The following ATAD2B variants were observed in gnomAD, a reference collection of about 807,000 sequenced individuals.
ATAD2B encodes the protein ATPase family AAA domain-containing protein 2B.
A neutral mutation model predicts 167.6 loss-of-function variants in ATAD2B; 40 were observed. That is an observed-to-expected ratio of 0.24 (90% CI 0.19 to 0.31). ATAD2B has a LOEUF of 0.31. Among genes scored for constraint, ATAD2B ranks in the 10% least tolerant of loss-of-function variants. The pLI is 1.00. For synonymous variants in ATAD2B, 579 were observed against 596.5 expected, an observed-to-expected ratio of 0.97 and a Z score of 0.43; for missense variants, 1,242 against 1,757.2, an observed-to-expected ratio of 0.71 and a Z score of 5.24.
intron 11 of ATAD2B, 42 bp from the exon 12 acceptor site, chr2:23,863,597 A>T (rs1284812035): frequency 4.7e-6 from 7 of 1,484,654 alleles, no homozygotes; most frequent in Non-Finnish European, 6.3e-6. Context: ...TTATATTATC[A>T]TCACTGCTGA....
At chr2:23,868,433 T>C (rs1221976153) in intron 9 of ATAD2B, among the ~76,000 whole-genome samples, 1 of 152,204 alleles carries the variant, frequency 6.6e-6, no homozygotes, top group East Asian at 1.9e-4. Context: ...TCCAAATAGC[T>C]GGAACTACAG....
the ATAD2B span, among the ~76,000 whole-genome samples, chr2:23,701,979 ATTTTT>A: frequency 6.9e-6 from 1 of 144,578 alleles, no homozygotes; most frequent in Non-Finnish European, 1.5e-5. Context: ...TGCCCAGCTA[ATTTTT>A]TTTTTTTTTT....
intron 2 of ATAD2B, among the ~76,000 whole-genome samples, chr2:23,891,661 G>T (rs1207788603): frequency 6.6e-6 from 1 of 151,250 alleles, no homozygotes; most frequent in Non-Finnish European, 1.5e-5. Context: ...GCTAATTTTT[G>T]TATTTTTAGT....
chr2:23,695,914 G>C, the ATAD2B span: 5 of 1,545,648 alleles, frequency 3.2e-6, no homozygotes, highest in Admixed American at 3.9e-5. This position sits in a 1 kb window ranked among gnomAD's most constrained non-coding sequence, Gnocchi z 7.6. Flanking sequence ...GACAGTCTTA[G>C]AGTGTGTCCC....
chr2:23,908,263 G>C (rs1306803239), intron 1 of ATAD2B, among the ~76,000 whole-genome samples: 5 of 151,974 alleles, frequency 3.3e-5, no homozygotes, highest in African/African-American at 1.2e-4. Context: ...CTAATATCCA[G>C]AATCTACAAT....
chr2:23,735,534 T>C, the ATAD2B span, among the ~76,000 whole-genome samples: 3 of 152,250 alleles, frequency 2.0e-5, no homozygotes, highest in African/African-American at 7.2e-5. Context: ...CACTCTCGCC[T>C]TCTTTTACCT....
intron 19 of ATAD2B, 69 bp from the exon 20 acceptor site, chr2:23,788,716 T>C: frequency 8.0e-7 from 1 of 1,252,126 alleles, no homozygotes; most frequent in Non-Finnish European, 1.1e-6. Context: ...TCATACCAAA[T>C]TGCAATGTCT....
the ATAD2B span, among the ~76,000 whole-genome samples, chr2:23,693,040 G>C: frequency 6.6e-6 from 1 of 152,120 alleles, no homozygotes; most frequent in African/African-American, 2.4e-5. Flanking sequence ...GGACCTGTGC[G>C]CACAGAGGGA....
the ATAD2B span, among the ~76,000 whole-genome samples, chr2:23,683,667 G>C: frequency 6.6e-6 from 1 of 152,196 alleles, no homozygotes; most frequent in Non-Finnish European, 1.5e-5. Flanking sequence ...CCACTTCCTG[G>C]GATCTGCCGG....
chr2:23,797,108 C>T (rs1262243523), intron 19 of ATAD2B, among the ~76,000 whole-genome samples: 1 of 152,026 alleles, frequency 6.6e-6, no homozygotes, highest in Non-Finnish European at 1.5e-5. Context: ...CTAATGAAAG[C>T]TGAAACACAA....
intron 1 of ATAD2B, among the ~76,000 whole-genome samples, chr2:23,910,824 C>T (rs996135096): frequency 1.3e-5 from 2 of 151,956 alleles, no homozygotes; most frequent in African/African-American, 4.8e-5. Context: ...GCCGGGGTCG[C>T]ACCACTGCAC....
chr2:23,799,207 C>A (rs1683070188), intron 18 of ATAD2B, among the ~76,000 whole-genome samples: 1 of 152,104 alleles, frequency 6.6e-6, no homozygotes, highest in Admixed American at 6.5e-5. Context: ...GAATTCTATT[C>A]CTAAAATGCT....
chr2:23,913,236 A>G (rs1186312024), intron 1 of ATAD2B, among the ~76,000 whole-genome samples: 1 of 152,228 alleles, frequency 6.6e-6, no homozygotes, highest in Non-Finnish European at 1.5e-5. Flanking sequence ...GAAATATACA[A>G]ACTATGTTAA....
Position 23,762,070 on chromosome 2 carries a change from C to T in ATAD2B, c.3394+139G>A, listed in dbSNP as rs980622702. The T allele has an allele frequency of 1.4e-5, 11 of 766,226 alleles. No homozygotes were observed. In the African/African-American group the frequency reaches 1.5e-4, roughly 10 times the overall value. 47.5% of individuals were successfully genotyped at this position (766,226 alleles called of 1,614,324 possible). A position where few individuals can be genotyped will look rare whatever the true frequency, so the allele number is the denominator to read the frequency against. ...TATTTCTGATTCAGCATTTACCTCA[C>T]AAGCTCTTCTTCACCTCTGAAAAGA... On this transcript the variant is annotated intron_variant, in intron 24 of 27. Transcript: ENST00000238789.
chr2:23,896,134 G>A (rs1194071082), intron 1 of ATAD2B, among the ~76,000 whole-genome samples, 164 bp from the exon 2 acceptor site: 7 of 149,072 alleles, frequency 4.7e-5, no homozygotes, highest in Non-Finnish European at 1.0e-4. Context: ...TGGCCAACAT[G>A]GTGAAACCCC....
chr2:23,775,314 A>G (rs1157937497), intron 22 of ATAD2B, among the ~76,000 whole-genome samples: 1 of 151,540 alleles, frequency 6.6e-6, no homozygotes, highest in Non-Finnish European at 1.5e-5. Context: ...CCTAGGTTCA[A>G]GCGATTCTCC....
chr2:23,908,308 C>T (rs1329132254), intron 1 of ATAD2B, among the ~76,000 whole-genome samples: 3 of 152,068 alleles, frequency 2.0e-5, no homozygotes, highest in Non-Finnish European at 4.4e-5. Flanking sequence ...AAAACAACCC[C>T]ATCAACAAGT....
chr2:23,781,736 CTT>C (rs112432597), intron 22 of ATAD2B, among the ~76,000 whole-genome samples: 1 of 144,492 alleles, frequency 6.9e-6, no homozygotes, highest in Non-Finnish European at 1.5e-5. Flanking sequence ...ACTGCTGTTT[CTT>C]TTTTTTTTTT....
chr2:23,884,454 G>A (rs1232328962), intron 6 of ATAD2B, among the ~76,000 whole-genome samples: 1 of 152,066 alleles, frequency 6.6e-6, no homozygotes, highest in Non-Finnish European at 1.5e-5. Flanking sequence ...AGGTGCCTAA[G>A]TACAAAAAAG....
Sources: gnomAD v4.1 joint callset for allele counts (sites outside exome capture counted in the v4.1 genomes callset) on GRCh38, gnomAD v4.1.1 for gene constraint, Gnocchi (gnomAD v3.1) non-coding constraint, MANE v1.5 for transcripts, NCBI Gene and HGNC (gene_info 2026-07-23, HGNC 2026-07-21) for gene names.